The following CHD7 variants were observed in gnomAD, a reference collection of about 807,000 sequenced individuals.
CHD7 encodes chromodomain helicase DNA binding protein 7, also known as ATP-dependent chromatin remodeler CHD7.
In CHD7, 24 loss-of-function variants were observed where a neutral mutation model predicts 307.3. The observed-to-expected ratio is 0.08, with a 90% CI of 0.06 to 0.11. The LOEUF (loss-of-function observed/expected upper bound fraction) is 0.11, where lower values mean the gene tolerates loss of function less well. Among genes scored for constraint, CHD7 ranks in the 10% least tolerant of loss-of-function variants. CHD7 has a pLI of 1.00. For synonymous variants in CHD7, 1,363 were observed against 1,349.9 expected (o/e 1.01, Z -0.21); for missense variants, 3,106 against 3,727.1 (o/e 0.83, Z 4.34).
chr8:60,705,013 T>C (rs2150513854), intron 1 of CHD7, among the ~76,000 whole-genome samples: 1 of 152,276 alleles, frequency 6.6e-6, no homozygotes, highest in African/African-American at 2.4e-5. Flanking sequence ...CTCACCTGGT[T>C]AGGATAGGAA....
At chr8:60,711,218 T>C (rs1807267563) in intron 1 of CHD7, among the ~76,000 whole-genome samples, 1 of 152,204 alleles carries the variant, frequency 6.6e-6, no homozygotes, top group South Asian at 2.1e-4. Context: ...TTAAGGACTT[T>C]TAGTAGTAGG....
intron 1 of CHD7, among the ~76,000 whole-genome samples, chr8:60,680,698 A>G (rs1461669161): frequency 6.6e-6 from 1 of 152,156 alleles, no homozygotes; most frequent in Non-Finnish European, 1.5e-5. Context: ...GGTTTAAACT[A>G]GTTTTTTTCC....
intron 2 of CHD7, among the ~76,000 whole-genome samples, chr8:60,743,929 G>T (rs962871288): frequency 6.6e-6 from 1 of 152,184 alleles, no homozygotes; most frequent in Non-Finnish European, 1.5e-5. Context: ...TTTTTGGGGT[G>T]CACAGTAGCT....
At chr8:60,775,545 A>G (rs1469928742) in intron 2 of CHD7, among the ~76,000 whole-genome samples, 1 of 152,230 alleles carries the variant, frequency 6.6e-6, no homozygotes, top group Non-Finnish European at 1.5e-5. Context: ...CCCCTGTGCT[A>G]GAGAAGGTGA....
intron 2 of CHD7, among the ~76,000 whole-genome samples, chr8:60,761,229 A>C (rs539969845): frequency 1.7e-3 from 252 of 151,030 alleles, no homozygotes; most frequent in African/African-American, 5.7e-3. Flanking sequence ...ATTCTCAGTA[A>C]ACTATCGCAA....
At chr8:60,852,801 A>G (rs1309022704) in intron 30 of CHD7, 28 bp from the exon 31 acceptor site, 25 of 1,609,100 alleles carry the variant, frequency 1.6e-5, no homozygotes, top group African/African-American at 2.7e-5. Flanking sequence ...ATTCTCCCCA[A>G]GTAAATATGA....
At position 60,846,382 on chromosome 8, in the gene CHD7, G is replaced by A. The variant is rs539704294; in HGVS notation, c.5210+973G>A. ...TTCCAAAAACTGATTATAGATAATT[G>A]AAGAATATTGAAACTAAATTTATTT... On this transcript the variant is annotated intron_variant, in intron 23 of 37. Transcript: ENST00000423902. Among the ~76,000 whole-genome samples the A allele has an allele frequency of 1.0e-3, 155 of 152,288 alleles. 2 individuals carry two copies. The highest frequency in any genetic ancestry group is 1.2e-3 in the Non-Finnish European group (82 of 68,024).
chr8:60,719,211 C>T (rs1165445976), intron 1 of CHD7, among the ~76,000 whole-genome samples: 1 of 152,198 alleles, frequency 6.6e-6, no homozygotes, highest in African/African-American at 2.4e-5. Flanking sequence ...GGATTTGTCA[C>T]CCACAGGGTA....
intron 34 of CHD7, among the ~76,000 whole-genome samples, 162 bp downstream of exon 34, chr8:60,857,050 A>G (rs552736926): frequency 3.0e-4 from 46 of 152,364 alleles, no homozygotes; most frequent in Admixed American, 1.2e-3. Flanking sequence ...GATTCTGATC[A>G]TTGATACAGA....
chr8:60,847,385 T>TTAATC (rs1478708771), intron 23 of CHD7, among the ~76,000 whole-genome samples: 2 of 152,202 alleles, frequency 1.3e-5, no homozygotes, highest in Admixed American at 1.3e-4. Flanking sequence ...GGCCTTAGAT[T>TTAATC]TGTCACTTAT....
intron 4 of CHD7, among the ~76,000 whole-genome samples, chr8:60,798,972 C>G (rs1272261526): frequency 6.6e-6 from 1 of 152,176 alleles, no homozygotes; most frequent in East Asian, 1.9e-4. Context: ...TTGCTTCTCT[C>G]CCCATCTTTA....
At chr8:60,718,877 C>G (rs1036694219) in intron 1 of CHD7, among the ~76,000 whole-genome samples, 1 of 152,164 alleles carries the variant, frequency 6.6e-6, no homozygotes, top group Non-Finnish European at 1.5e-5. Context: ...CATTTTTAAT[C>G]TTTTATATTG....
At chr8:60,851,355 C>T (rs371595611) in intron 28 of CHD7, 36 bp downstream of exon 28, 38 of 1,478,636 alleles carry the variant, frequency 2.6e-5, no homozygotes, top group African/African-American at 4.2e-5. Context: ...GCCGAGCAGA[C>T]GTGCACTGAG....
intron 8 of CHD7, 103 bp from the exon 9 acceptor site, chr8:60,819,904 A>G: frequency 3.8e-6 from 3 of 790,516 alleles, no homozygotes; most frequent in South Asian, 3.3e-5. Context: ...TGTAAGTTTT[A>G]TATTGCTGTG....
At chr8:60,804,656 T>C (rs555169307) in intron 6 of CHD7, among the ~76,000 whole-genome samples, 1 of 152,346 alleles carries the variant, frequency 6.6e-6, no homozygotes, top group Non-Finnish European at 1.5e-5. Flanking sequence ...TTTCATTCTT[T>C]TGTGTATTAT....
At chr8:60,787,930 A>G (rs1160910894) in intron 3 of CHD7, among the ~76,000 whole-genome samples, 2 of 148,514 alleles carry the variant, frequency 1.3e-5, no homozygotes, top group African/African-American at 2.5e-5. Flanking sequence ...AAGCGATTCT[A>G]CTGCCTCAGC....
intron 28 of CHD7, 92 bp downstream of exon 28, chr8:60,851,411 G>GGAC: frequency 5.6e-6 from 5 of 896,184 alleles, no homozygotes; most frequent in Non-Finnish European, 9.1e-6. Flanking sequence ...CATGACAGCA[G>GGAC]TGTCTTAACA....
intron 2 of CHD7, among the ~76,000 whole-genome samples, chr8:60,762,304 C>T (rs1403223577): frequency 2.0e-5 from 3 of 152,206 alleles, no homozygotes; most frequent in African/African-American, 7.2e-5. Flanking sequence ...CTTATGTCTG[C>T]AAAGCCTCTG....
At chr8:60,785,618 C>A (rs1368155648) in intron 3 of CHD7, among the ~76,000 whole-genome samples, 1 of 152,138 alleles carries the variant, frequency 6.6e-6, no homozygotes, top group African/African-American at 2.4e-5. Flanking sequence ...ACTCAGCCAC[C>A]AAGTCCAATG....
Sources: allele counts gnomAD v4.1 joint callset (sites outside exome capture counted in the v4.1 genomes callset), GRCh38; gene constraint gnomAD v4.1.1; transcripts MANE v1.5; gene names NCBI Gene and HGNC (gene_info 2026-07-23, HGNC 2026-07-21).